ZFHX3: variants seen among roughly 807,000 people sequenced by gnomAD.
ZFHX3 encodes zinc finger homeobox 3.
A neutral mutation model predicts 279.1 loss-of-function variants in ZFHX3; 42 were observed. The observed-to-expected ratio is 0.15, with a 90% CI of 0.12 to 0.19. The LOEUF (loss-of-function observed/expected upper bound fraction) is 0.19. ZFHX3 is among the 10% of genes least tolerant of loss of function. The pLI is 1.00. For synonymous variants in ZFHX3, 2,293 were observed against 1,957.8 expected (o/e 1.17, Z -4.52); for missense variants, 4,981 against 4,754.0 (o/e 1.05, Z -1.40).
At chr16:73,626,204 C>T (rs1370818583) in intron 2 of ZFHX3, among the ~76,000 whole-genome samples, 1 of 152,130 alleles carries the variant, frequency 6.6e-6, no homozygotes, top group Non-Finnish European at 1.5e-5. Flanking sequence ...TAATAAATTT[C>T]ACACATTTTA....
intron 4 of ZFHX3, among the ~76,000 whole-genome samples, chr16:73,257,586 G>C (rs2013695124): frequency 6.6e-6 from 1 of 152,186 alleles, no homozygotes; most frequent in Non-Finnish European, 1.5e-5. Flanking sequence ...TGATTTCAGA[G>C]TTTGTATTTG....
intron 1 of ZFHX3, among the ~76,000 whole-genome samples, chr16:73,681,781 G>C (rs2053012580): frequency 6.6e-6 from 1 of 152,174 alleles, no homozygotes; most frequent in African/African-American, 2.4e-5. Context: ...ATTGTTGCTA[G>C]AAAATCTGAA....
At chr16:73,189,309 A>C (rs1303544134) in intron 5 of ZFHX3, among the ~76,000 whole-genome samples, 2 of 152,258 alleles carry the variant, frequency 1.3e-5, no homozygotes, top group African/African-American at 4.8e-5. Context: ...GCCAGTGAGC[A>C]GCTAGCAGAA....
At position 72,796,769 on chromosome 16, in the gene ZFHX3, A is replaced by C. The variant is rs1283375311; in HGVS notation, c.5913T>G (p.Asn1971Lys). The C allele has an allele frequency of 6.2e-7, 1 of 1,613,340 alleles. No individual in the cohort carries two copies. Among genetic ancestry groups the C allele is most frequent in the Admixed American group, 1.7e-5 (1 of 59,950 alleles). Residue 1971 changes from asparagine (N) to lysine (K), a missense_variant, in exon 9 of 10, where the codon AAT (asparagine) becomes AAG (lysine). Physicochemically the swap from Asn to Lys is moderately conservative, Grantham distance 94 (BLOSUM62 0). Transcript: ENST00000268489. ...GGTTCTCTCCCTGGTCAGTCTTCCCATTCTTTTTCTGCACCTTCTGCTTGT... is the reference window on the plus strand; with the variant it reads ...GGTTCTCTCCCTGGTCAGTCTTCCCCTTCTTTTTCTGCACCTTCTGCTTGT... ...NENKQKVQKK[N>K]GKTDQGENLE...
At chr16:72,808,252 TC>T (rs1309882873) in intron 7 of ZFHX3, 2 of 152,196 alleles carry the variant, frequency 1.3e-5, no homozygotes, top group African/African-American at 4.8e-5. Flanking sequence ...AGAGCAGAGA[TC>T]AAGATCATCA....
chr16:73,644,038 C>A (rs1463372032), intron 2 of ZFHX3, among the ~76,000 whole-genome samples: 1 of 152,082 alleles, frequency 6.6e-6, no homozygotes, highest in Non-Finnish European at 1.5e-5. Flanking sequence ...ACTTAAGGTT[C>A]ATTCATCTTT....
At chr16:72,861,872 G>A (rs549642465) in intron 4 of ZFHX3, among the ~76,000 whole-genome samples, 15 of 152,002 alleles carry the variant, frequency 9.9e-5, no homozygotes, top group African/African-American at 1.5e-4. Flanking sequence ...AAAATTAGCC[G>A]GGTGTGGTGG....
chr16:72,788,023 G>GA lies in ZFHX3; in HGVS notation c.10252dup (p.Ser3418PhefsTer13). ...GTTTTTCTGTTCTTCTGGTTTGGGG[G>GA]ATTCTTTGGCAGGGTCTTTGTCTGG... is the stretch of plus-strand genomic sequence containing the variant. On this transcript the variant is annotated frameshift_variant, in exon 10 of 10. Transcript: ENST00000268489. LOFTEE classifies it high-confidence loss of function. The GA allele has an allele frequency of 6.2e-7, 1 of 1,613,084 alleles. No individual in the cohort carries two copies. Among genetic ancestry groups the GA allele is most frequent in the Non-Finnish European group, 8.5e-7 (1 of 1,179,920 alleles).
intron 5 of ZFHX3, among the ~76,000 whole-genome samples, chr16:73,176,488 T>C (rs887576565): frequency 6.6e-6 from 1 of 151,902 alleles, no homozygotes; most frequent in Non-Finnish European, 1.5e-5. Flanking sequence ...TAAGGAGGAG[T>C]AACTTGACCT....
At chr16:72,803,187 C>T (rs1004521258) in intron 7 of ZFHX3, among the ~76,000 whole-genome samples, 1 of 152,054 alleles carries the variant, frequency 6.6e-6, no homozygotes, top group Non-Finnish European at 1.5e-5. Flanking sequence ...CAAAAATTAG[C>T]CAGGCGTGGT....
intron 2 of ZFHX3, among the ~76,000 whole-genome samples, chr16:73,457,342 G>T (rs936104288): frequency 6.6e-6 from 1 of 152,154 alleles, no homozygotes; most frequent in Admixed American, 6.5e-5. Flanking sequence ...TTCCCCCATC[G>T]GTGGCAGCCC....
chr16:73,838,437 G>T (rs1263822283), intron 1 of ZFHX3, among the ~76,000 whole-genome samples: 2 of 152,182 alleles, frequency 1.3e-5, no homozygotes, highest in African/African-American at 4.8e-5. Flanking sequence ...AATGCATATT[G>T]CCAATTTAAT....
intron 4 of ZFHX3, among the ~76,000 whole-genome samples, chr16:72,843,424 T>TGG (rs1295093754): frequency 6.9e-6 from 1 of 145,982 alleles, no homozygotes; most frequent in Non-Finnish European, 1.5e-5. Flanking sequence ...GGCAGGAGAA[T>TGG]GGCGTGAACC....
rs1414201089 is a variant in ZFHX3 at position 73,859,660 on chromosome 16, C to G, written c.-1608+31991G>C. Among the ~76,000 whole-genome samples the G allele has an allele frequency of 3.3e-5, 5 of 152,014 alleles. No individual in the cohort carries two copies. In the South Asian group the frequency reaches 8.3e-4, roughly 25 times the overall value. Reference sequence around the variant, plus strand: ...AAAGAGAGAGGCAATAACAAAAAAGCAAAAATGACATCACCACCACCACTA... The same window carrying G: ...AAAGAGAGAGGCAATAACAAAAAAGGAAAAATGACATCACCACCACCACTA... On this transcript the variant is annotated intron_variant, in intron 1 of 17. Coordinates refer to the ZFHX3 transcript ENST00000641206.
intron 6 of ZFHX3, among the ~76,000 whole-genome samples, chr16:73,138,160 C>G (rs1850291668): frequency 6.6e-6 from 1 of 152,164 alleles, no homozygotes; most frequent in Admixed American, 6.5e-5. Flanking sequence ...CCTCTCCCAA[C>G]TGTTCTTAAA....
intron 2 of ZFHX3, among the ~76,000 whole-genome samples, chr16:73,471,017 A>G (rs1053080055): frequency 1.3e-5 from 2 of 152,234 alleles, no homozygotes; most frequent in African/African-American, 4.8e-5. Context: ...TAAGGATGGC[A>G]TTCAGGGCTG....
At chr16:72,838,256 C>T (rs370341087) in intron 4 of ZFHX3, among the ~76,000 whole-genome samples, 1 of 152,142 alleles carries the variant, frequency 6.6e-6, no homozygotes, top group African/African-American at 2.4e-5. Flanking sequence ...ACCATTTATG[C>T]TTTTGTATAT....
chr16:73,503,919 T>C (rs1164024691), intron 2 of ZFHX3, among the ~76,000 whole-genome samples: 1 of 152,234 alleles, frequency 6.6e-6, no homozygotes, highest in Non-Finnish European at 1.5e-5. Flanking sequence ...TGATAGTTAT[T>C]CACTTCTTCC....
Position 73,004,486 on chromosome 16 carries a change from G to A in ZFHX3, c.-50+43266C>T, listed in dbSNP as rs764418908. Among the ~76,000 whole-genome samples the A allele has an allele frequency of 1.2e-4, 18 of 151,570 alleles. 1 individual carries two copies. The highest frequency in any genetic ancestry group is 2.1e-4 in the South Asian group (1 of 4,770). On this transcript the variant is annotated intron_variant, in intron 1 of 9. Transcript: ENST00000268489. ...TGGGATTACAGATGCCCACCATCAC[G>A]CCCAGCTAGTAGAGATGGGGTTTCC...
Sources: allele counts gnomAD v4.1 joint callset (sites outside exome capture counted in the v4.1 genomes callset), GRCh38; gene constraint gnomAD v4.1.1; transcripts MANE v1.5; gene names NCBI Gene and HGNC (gene_info 2026-07-23, HGNC 2026-07-21).